KRR1: variants seen among roughly 807,000 people sequenced by gnomAD.
KRR1 encodes KRR1 small subunit processome component homolog.
In KRR1, 23 loss-of-function variants were observed where a neutral mutation model predicts 50.0. The ratio of observed to expected loss-of-function variants is 0.46; its 90% CI spans 0.33 to 0.65. The LOEUF (loss-of-function observed/expected upper bound fraction) is 0.65. KRR1 is among the 30% of genes least tolerant of loss of function. The probability of loss-of-function intolerance (pLI) is 0.02; values close to 1 mark genes in which losing one functional copy is unlikely to be tolerated. For missense variants in KRR1, 419 were observed against 442.4 expected, an observed-to-expected ratio of 0.95 and a Z score of 0.47; for synonymous variants, 133 against 146.3, an observed-to-expected ratio of 0.91 and a Z score of 0.66.
At chr12:75,507,868 T>C (rs112837978) in intron 2 of KRR1, among the ~76,000 whole-genome samples, 16 of 151,874 alleles carry the variant, frequency 1.1e-4, no homozygotes, top group African/African-American at 3.1e-4. Flanking sequence ...GCATCAGCAA[T>C]AAACAAGGAA....
chr12:75,507,132 C>A (rs376635916), intron 2 of KRR1, among the ~76,000 whole-genome samples: 3 of 152,102 alleles, frequency 2.0e-5, no homozygotes, highest in African/African-American at 4.8e-5. Context: ...AACCATTTAC[C>A]CTTGGTTTTA....
intron 5 of KRR1, among the ~76,000 whole-genome samples, chr12:75,505,625 T>C (rs1157465067): frequency 6.6e-6 from 1 of 152,050 alleles, no homozygotes; most frequent in Non-Finnish European, 1.5e-5. Flanking sequence ...CTCAAGACTC[T>C]CTTGTAAGAA....
At chr12:75,503,164 G>A (rs1159605460) in intron 7 of KRR1, 3 of 152,128 alleles carry the variant, frequency 2.0e-5, no homozygotes, top group Non-Finnish European at 4.4e-5. Flanking sequence ...AAACCCATAC[G>A]TGAGAGAAGA....
intron 5 of KRR1, chr12:75,506,046 C>T (rs1398045130): frequency 1.6e-5 from 4 of 256,644 alleles, no homozygotes; most frequent in African/African-American, 6.8e-5. Context: ...TCTTAATGCT[C>T]ATTTAAATTT....
At chr12:75,503,623 G>C (rs1594067964) in intron 7 of KRR1, 1 of 242,940 alleles carries the variant, frequency 4.1e-6, no homozygotes, top group Admixed American at 5.4e-5. Context: ...GAGTATTGCA[G>C]ACTAAACGAA....
rs920934094 is a variant in KRR1 at position 75,495,783 on chromosome 12, T to C, written c.*4026A>G. 30 of 605,440 alleles carry C rather than the reference T, an allele frequency of 5.0e-5. No homozygotes were observed. The highest frequency in any genetic ancestry group is 7.9e-5 in the Non-Finnish European group (26 of 330,548). The allele number at this position is 605,440 out of a possible 1,614,324, so 37.5% of individuals were successfully genotyped here. ...TATCTTCAAGGAAACTGGCATCAAG[T>C]AGCAATTAAACCAATGGCTTACTGT... On this transcript the variant is annotated 3_prime_UTR_variant, in exon 10 of 10. Coordinates refer to ENST00000229214, the MANE Select transcript of KRR1 (RefSeq NM_007043.7).
At chr12:75,511,431 A>T in intron 1 of KRR1, 82 bp downstream of exon 1, 3 of 1,266,660 alleles carry the variant, frequency 2.4e-6, no homozygotes, top group South Asian at 2.4e-5. Context: ...AGGTGGTTTT[A>T]TAAGTCCACG....
In KRR1 at chr12:75,501,997, C is replaced by T. The variant is rs779945359; in HGVS notation, c.835G>A (p.Asp279Asn). ...TATTCACCACTAGCCAATTCTTTAT[C>T]GATCTGTTGAAAACGGTATTTACAA... is the stretch of plus-strand genomic sequence containing the variant. ...FPPPQPESQI[D>N]KELASGEYFL... The change falls in exon 8 of 10, where the codon GAT (aspartate) becomes AAT (asparagine). Residue 279 changes from aspartate to asparagine, a missense_variant. Asp to Asn is a conservative substitution (Grantham distance 23). Coordinates refer to ENST00000229214, the MANE Select transcript of KRR1 (RefSeq NM_007043.7). 4.3e-5 allele frequency: 69 copies of T among 1,610,006 alleles called. No individual in the cohort carries two copies. Among genetic ancestry groups the T allele is most frequent in the Non-Finnish European group, 5.4e-5 (64 of 1,177,900 alleles).
rs755783070 is a variant in KRR1 at position 75,499,913 on chromosome 12, C to G, written c.1042G>C (p.Glu348Gln). 1 of 1,608,848 alleles carries G rather than the reference C, an allele frequency of 6.2e-7. No homozygotes were observed. The highest frequency in any genetic ancestry group is 1.1e-5 in the South Asian group (1 of 90,392). The change falls in exon 10 of 10, where the codon GAA (glutamate) becomes CAA (glutamine). Residue 348 changes from glutamate (E) to glutamine (Q), a missense_variant. Glu to Gln is a conservative substitution (Grantham distance 29, BLOSUM62 2). Transcript: ENST00000229214. ...TTATTCTTTGCTTTCTTAACCTTTT[C>G]CTTGATGCTGGCCACATCAATTTTA... Reference protein sequence around the residue: ...ETKIDVASIKEKVKKAKNKKL... With the variant: ...ETKIDVASIKQKVKKAKNKKL...
chr12:75,504,089 C>G lies in KRR1; in HGVS notation c.661-15G>C, dbSNP rs375763606. 6.4e-7 allele frequency: 1 copy of G among 1,570,760 alleles called. No individual in the cohort carries two copies. Among genetic ancestry groups the G allele is most frequent in the African/African-American group, 1.4e-5 (1 of 73,050 alleles). Reference sequence around the variant, plus strand: ...ATCATTAAGCTCTTTAGTCATGCAACAAAGTAAAAATTTTTACTTTCCAAA... The same window carrying G: ...ATCATTAAGCTCTTTAGTCATGCAAGAAAGTAAAAATTTTTACTTTCCAAA... On this transcript the variant is annotated splice_polypyrimidine_tract_variant and intron_variant, in intron 6 of 9. Transcript: ENST00000229214.
Position 75,499,076 on chromosome 12 carries a change from T to C in KRR1, c.*733A>G, listed in dbSNP as rs2046371797. The C allele has an allele frequency of 4.1e-6, 3 of 728,658 alleles. No individual in the cohort carries two copies. The highest frequency in any genetic ancestry group is 2.9e-5 in the East Asian group (1 of 34,980). The allele number at this position is 728,658 out of a possible 1,614,324, so 45.1% of individuals were successfully genotyped here. A position where few individuals can be genotyped will look rare whatever the true frequency, so the allele number is the denominator to read the frequency against. ...TAGGTGTACTTCTATTTTAAAACAT[T>C]TCAGAAAAAAATATATGTTATAGCA... On this transcript the variant is annotated 3_prime_UTR_variant, in exon 10 of 10. Coordinates refer to ENST00000229214, the MANE Select transcript of KRR1 (RefSeq NM_007043.7).
At chr12:75,506,640 A>C in intron 3 of KRR1, 31 bp from the exon 4 acceptor site, 1 of 1,546,492 alleles carries the variant, frequency 6.5e-7, no homozygotes, top group Non-Finnish European at 8.6e-7. Context: ...AAAAGAAGAC[A>C]TTATCAACAT....
At position 75,493,964 on chromosome 12, in the gene KRR1, C is replaced by T. The variant is rs1172758426; in HGVS notation, c.*5845G>A. ...TGACTTTATTAAAATCATTCTAGAA[C>T]TTAAACCACTTAATACTGTGCTTAT... On this transcript the variant is annotated 3_prime_UTR_variant, in exon 10 of 10. Coordinates refer to ENST00000229214, the MANE Select transcript of KRR1 (RefSeq NM_007043.7). 6.6e-6 allele frequency: 1 copy of T among 152,164 alleles called. No homozygotes were observed. The highest frequency in any genetic ancestry group is 2.1e-4 in the South Asian group (1 of 4,830). 9.4% of individuals were successfully genotyped at this position (152,164 alleles called of 1,614,324 possible). A position where few individuals can be genotyped will look rare whatever the true frequency, so the allele number is the denominator to read the frequency against.
At position 75,503,952 on chromosome 12, in the gene KRR1, A is replaced by G. The variant is rs770472297; in HGVS notation, c.783T>C (p.Thr261=). The change falls in exon 7 of 10, where the codon ACT becomes ACC. Residue 261 remains threonine, a synonymous_variant. Coordinates refer to ENST00000229214, the MANE Select transcript of KRR1 (RefSeq NM_007043.7). ...VNKRKEPKKK[T]VKKEYTPFPP... is the part of the protein sequence containing the mutation. ...GGAATGGCGTATATTCTTTCTTAAC[A>G]GTTTTTTTCTTTGGTTCCTTGCGTT... 12 of 1,611,468 alleles carry G rather than the reference A, an allele frequency of 7.4e-6. No homozygotes were observed. The highest frequency in any genetic ancestry group is 1.0e-5 in the Non-Finnish European group (12 of 1,178,438).
chr12:75,503,877 A>C, intron 7 of KRR1, 27 bp downstream of exon 7: 1 of 1,559,104 alleles, frequency 6.4e-7, no homozygotes, highest in Non-Finnish European at 8.7e-7. Context: ...ATTCTCCTTC[A>C]TATGAAGTTC....
At chr12:75,501,375 A>G (rs2046392689) in intron 9 of KRR1, 1 of 194,378 alleles carries the variant, frequency 5.1e-6, no homozygotes, top group African/African-American at 2.4e-5. Flanking sequence ...ACAACTTCTG[A>G]TAATTCCTCT....
In KRR1 at chr12:75,494,988, T is replaced by C. The variant is rs1295202784; in HGVS notation, c.*4821A>G. ...ATGGTAGTGCTCACTAATTAGCAGCTATTATTCATATCACATCTTGTATGT... is the reference window on the plus strand; with the variant it reads ...ATGGTAGTGCTCACTAATTAGCAGCCATTATTCATATCACATCTTGTATGT... On this transcript the variant is annotated 3_prime_UTR_variant, in exon 10 of 10. Transcript: ENST00000229214. 1 of 152,286 alleles carries C rather than the reference T, an allele frequency of 6.6e-6. No individual in the cohort carries two copies. 9.4% of individuals were successfully genotyped at this position (152,286 alleles called of 1,614,324 possible). A position where few individuals can be genotyped will look rare whatever the true frequency, so the allele number is the denominator to read the frequency against.
rs2046341392 is a variant in KRR1 at position 75,494,860 on chromosome 12, A to G, written c.*4949T>C. On this transcript the variant is annotated 3_prime_UTR_variant, in exon 10 of 10. Transcript: ENST00000229214. ...GTCAATTACTTATACTCTGTGACTC[A>G]GCCTCTAGCTATATAATGGGTATAA... 1 of 152,226 alleles carries G rather than the reference A, an allele frequency of 6.6e-6. No homozygotes were observed. The highest frequency in any genetic ancestry group is 2.4e-5 in the African/African-American group (1 of 41,462). 9.4% of individuals were successfully genotyped at this position (152,226 alleles called of 1,614,324 possible). A position where few individuals can be genotyped will look rare whatever the true frequency, so the allele number is the denominator to read the frequency against.
chr12:75,501,667 A>G lies in KRR1; in HGVS notation c.1003+56T>C, dbSNP rs1205776452. 4 of 1,143,748 alleles carry G rather than the reference A, an allele frequency of 3.5e-6. No individual in the cohort carries two copies. In the East Asian group the frequency reaches 7.3e-5, roughly 21 times the overall value. The allele number at this position is 1,143,748 out of a possible 1,614,324, so 70.8% of individuals were successfully genotyped here. ...TTCTTAAAAAGATTCAGACAAATTT[A>G]TTATGGGTTTACTTTTCCTAATTAA... On this transcript the variant is annotated intron_variant, in intron 9 of 9. Coordinates refer to ENST00000229214, the MANE Select transcript of KRR1 (RefSeq NM_007043.7).
Sources: gnomAD v4.1 joint callset for allele counts (sites outside exome capture counted in the v4.1 genomes callset) on GRCh38, gnomAD v4.1.1 for gene constraint, MANE v1.5 for transcripts, NCBI Gene and HGNC (gene_info 2026-07-23, HGNC 2026-07-21) for gene names.